Variants in CCSER1 observed in about 807,000 individuals in gnomAD.
CCSER1 encodes serine-rich coiled-coil domain-containing protein 1.
A neutral mutation model predicts 82.0 loss-of-function variants in CCSER1; 41 were observed. The ratio of observed to expected loss-of-function variants is 0.50; its 90% CI spans 0.39 to 0.65. The LOEUF (loss-of-function observed/expected upper bound fraction) is 0.65, where lower values mean the gene tolerates loss of function less well. Among genes scored for constraint, CCSER1 ranks in the 30% least tolerant of loss-of-function variants. The probability of loss-of-function intolerance (pLI) is 0.00; values close to 1 mark genes in which losing one functional copy is unlikely to be tolerated. For synonymous variants in CCSER1, 414 were observed against 383.9 expected (o/e 1.08, Z -0.92); for missense variants, 1,119 against 1,064.2 (o/e 1.05, Z -0.72).
intron 10 of CCSER1, among the ~76,000 whole-genome samples, chr4:91,221,408 T>C (rs148571116): frequency 6.6e-6 from 1 of 152,278 alleles, no homozygotes; most frequent in East Asian, 1.9e-4. Flanking sequence ...CAGATTTTCC[T>C]GTATTTCTAT....
chr4:90,726,380 A>G (rs778026392), intron 7 of CCSER1, among the ~76,000 whole-genome samples: 1 of 152,028 alleles, frequency 6.6e-6, no homozygotes, highest in Non-Finnish European at 1.5e-5. Context: ...TTATTCTTGA[A>G]TGTTAGATAA....
intron 6 of CCSER1, among the ~76,000 whole-genome samples, chr4:90,722,068 TG>T (rs1207780546): frequency 2.0e-5 from 3 of 151,850 alleles, no homozygotes; most frequent in Admixed American, 2.0e-4. Flanking sequence ...TCTGGAAAGT[TG>T]TGGGAGACCT....
intron 10 of CCSER1, among the ~76,000 whole-genome samples, chr4:91,171,918 G>A (rs1732798203): frequency 6.6e-6 from 1 of 151,774 alleles, no homozygotes; most frequent in Non-Finnish European, 1.5e-5. Context: ...CTTTTATGAT[G>A]TTCTCTTTTA....
intron 1 of CCSER1, among the ~76,000 whole-genome samples, chr4:90,300,414 T>C (rs1732874843): frequency 6.6e-6 from 1 of 152,158 alleles, no homozygotes; most frequent in South Asian, 2.1e-4. Flanking sequence ...CTTTGTGATG[T>C]AGTATCTTCT....
intron 10 of CCSER1, among the ~76,000 whole-genome samples, chr4:91,520,141 A>G (rs1760374361): frequency 6.6e-6 from 1 of 151,992 alleles, no homozygotes; most frequent in African/African-American, 2.4e-5. Flanking sequence ...TGTCTGGTGC[A>G]CTGTACTAAT....
intron 1 of CCSER1, among the ~76,000 whole-genome samples, chr4:90,292,406 T>A (rs190593914): frequency 6.6e-6 from 1 of 152,078 alleles, no homozygotes; most frequent in African/African-American, 2.4e-5. Context: ...ATTCATCTAA[T>A]CAGTTGTCTA....
At chr4:90,205,370 A>C (rs1738598571) in intron 1 of CCSER1, among the ~76,000 whole-genome samples, 1 of 152,164 alleles carries the variant, frequency 6.6e-6, no homozygotes, top group Non-Finnish European at 1.5e-5. Flanking sequence ...AGGTTCCCTC[A>C]ATACCTAGTT....
chr4:90,833,402 C>A (rs1438025441), intron 8 of CCSER1, among the ~76,000 whole-genome samples: 4 of 152,150 alleles, frequency 2.6e-5, no homozygotes, highest in African/African-American at 9.7e-5. Flanking sequence ...CACAGACATT[C>A]AAACCATAGC....
chr4:90,210,130 C>T (rs1311714184), intron 1 of CCSER1, among the ~76,000 whole-genome samples: 1 of 152,136 alleles, frequency 6.6e-6, no homozygotes, highest in Non-Finnish European at 1.5e-5. Context: ...CAAGAAACAG[C>T]TATGTAGGTA....
intron 1 of CCSER1, among the ~76,000 whole-genome samples, chr4:90,195,919 T>C (rs1047271867): frequency 6.6e-6 from 1 of 152,098 alleles, no homozygotes; most frequent in African/African-American, 2.4e-5. Context: ...GTTATATCCA[T>C]GTGAAAGTAT....
intron 9 of CCSER1, among the ~76,000 whole-genome samples, chr4:90,932,950 GAAAGAAAGAA>G (rs1166680265): frequency 3.1e-5 from 1 of 31,942 alleles, no homozygotes; most frequent in African/African-American, 2.3e-4. Context: ...AAGAAAGAAA[GAAAGAAAGAA>G]AGAAAGAAAG....
rs577712056 is a variant in CCSER1, at chr4:90,712,502, G to GT, written c.1933-11405dup. Among the ~76,000 whole-genome samples, 73 of 151,640 alleles carry GT rather than the reference G, an allele frequency of 4.8e-4. 1 individual carries two copies. In the East Asian group the frequency reaches 0.011, roughly 24 times the overall value. On this transcript the variant is annotated intron_variant, in intron 6 of 10. Coordinates refer to ENST00000509176, the MANE Select transcript of CCSER1 (RefSeq NM_001145065.2). ...TTCTAGTTTGGGCTGTGGTTCAATAGTTTTTTTATGATTTAAAATCTTTTG... is the reference window on the plus strand; with the variant it reads ...TTCTAGTTTGGGCTGTGGTTCAATAGTTTTTTTTATGATTTAAAATCTTTTG...
At chr4:91,470,799 A>C (rs375675089) in intron 10 of CCSER1, among the ~76,000 whole-genome samples, 1 of 152,200 alleles carries the variant, frequency 6.6e-6, no homozygotes, top group African/African-American at 2.4e-5. Flanking sequence ...AAGACCTCTG[A>C]AAATTTCCAT....
chr4:91,489,539 T>C (rs771217519), intron 10 of CCSER1, among the ~76,000 whole-genome samples: 1 of 152,144 alleles, frequency 6.6e-6, no homozygotes, highest in Non-Finnish European at 1.5e-5. Context: ...GCACGGTGGC[T>C]CATGCCTGTA....
chr4:91,516,879 C>T (rs767230015), intron 10 of CCSER1, among the ~76,000 whole-genome samples: 19 of 151,910 alleles, frequency 1.3e-4, no homozygotes, highest in East Asian at 1.9e-4. Flanking sequence ...TCTGATTTCT[C>T]GGAAGAGTAT....
At chr4:90,838,837 A>G (rs2149858435) in intron 8 of CCSER1, 2 of 1,599,026 alleles carry the variant, frequency 1.3e-6, no homozygotes, top group Admixed American at 1.7e-5. Context: ...TTAAACAGCT[A>G]AAAGAAGTAA....
At chr4:90,732,844 G>A (rs184591302) in intron 7 of CCSER1, among the ~76,000 whole-genome samples, 130 of 152,224 alleles carry the variant, frequency 8.5e-4, no homozygotes, top group Non-Finnish European at 1.0e-3. Context: ...CATCCCTGTT[G>A]TTACAAATGA....
intron 7 of CCSER1, among the ~76,000 whole-genome samples, chr4:90,738,017 T>C (rs1342234974): frequency 1.3e-5 from 2 of 152,206 alleles, no homozygotes; most frequent in African/African-American, 4.8e-5. Flanking sequence ...TTGAATTTCA[T>C]TGAGTTTCCA....
intron 5 of CCSER1, among the ~76,000 whole-genome samples, chr4:90,507,205 G>A (rs143761939): frequency 7.9e-4 from 119 of 151,498 alleles, no homozygotes; most frequent in Middle Eastern, 6.8e-3. Flanking sequence ...TCCTGCATCC[G>A]CAATAAAGTC....
Sources: allele counts gnomAD v4.1 joint callset (sites outside exome capture counted in the v4.1 genomes callset), GRCh38; gene constraint gnomAD v4.1.1; transcripts MANE v1.5; gene names NCBI Gene and HGNC (gene_info 2026-07-23, HGNC 2026-07-21).